Variants in SGCD observed in about 807,000 individuals in gnomAD.
The protein encoded by SGCD is sarcoglycan delta.
SGCD carries 18 observed loss-of-function variants against 36.6 expected under a neutral mutation model. The observed-to-expected ratio is 0.49, with a 90% CI of 0.34 to 0.73. The LOEUF (loss-of-function observed/expected upper bound fraction) is 0.73, where lower values mean the gene tolerates loss of function less well. SGCD is among the 30% of genes least tolerant of loss of function. The probability of loss-of-function intolerance (pLI) is 0.01; values close to 1 mark genes in which losing one functional copy is unlikely to be tolerated. For synonymous variants in SGCD, 133 were observed against 130.6 expected, an observed-to-expected ratio of 1.02 and a Z score of -0.12; for missense variants, 387 against 346.7, an observed-to-expected ratio of 1.12 and a Z score of -0.92.
intron 3 of SGCD, among the ~76,000 whole-genome samples, chr5:156,475,231 G>GTC (rs1393688935): frequency 6.6e-6 from 1 of 152,054 alleles, no homozygotes; most frequent in African/African-American, 2.4e-5. Context: ...CCATTACAGG[G>GTC]TCTCTCCCAT....
At chr5:156,631,665 T>G (rs187925860) in intron 6 of SGCD, among the ~76,000 whole-genome samples, 78 of 152,004 alleles carry the variant, frequency 5.1e-4, no homozygotes, top group Non-Finnish European at 9.0e-4. Context: ...TAAAAGTGTC[T>G]TATACCAATT....
intron 3 of SGCD, among the ~76,000 whole-genome samples, chr5:156,478,497 C>T (rs982149382): frequency 3.9e-5 from 6 of 152,214 alleles, no homozygotes; most frequent in African/African-American, 4.8e-5. Flanking sequence ...GCAATTCTGT[C>T]GCTTGGTGTC....
chr5:155,741,689 T>C, the SGCD span, among the ~76,000 whole-genome samples: 2 of 72,706 alleles, frequency 2.8e-5, no homozygotes, highest in African/African-American at 7.1e-5. Flanking sequence ...TTTCTTTTCT[T>C]TTTTTTTTTT....
intron 7 of SGCD, among the ~76,000 whole-genome samples, chr5:156,647,928 C>G (rs1282565298): frequency 6.6e-6 from 1 of 152,124 alleles, no homozygotes; most frequent in African/African-American, 2.4e-5. Flanking sequence ...GCAACAAGCT[C>G]TCTATTACTT....
intron 3 of SGCD, among the ~76,000 whole-genome samples, chr5:156,413,575 C>T (rs1243311300): frequency 6.6e-6 from 1 of 152,194 alleles, no homozygotes; most frequent in Non-Finnish European, 1.5e-5. Context: ...GTCCTGAGCA[C>T]AAGCAGTTCT....
intron 1 of SGCD, among the ~76,000 whole-genome samples, chr5:155,975,609 C>CCTTTTTTTTTTTT (rs1758096365): frequency 3.6e-5 from 1 of 28,008 alleles, no homozygotes; most frequent in African/African-American, 1.3e-4. Context: ...TCTTTCTTTC[C>CCTTTTTTTTTTTT]TTTTTTTTTT....
At chr5:156,711,842 A>C (rs754861445) in intron 7 of SGCD, among the ~76,000 whole-genome samples, 1 of 152,214 alleles carries the variant, frequency 6.6e-6, no homozygotes, top group Non-Finnish European at 1.5e-5. Context: ...GTTTATTAAG[A>C]AAGTAGAGAG....
chr5:156,564,652 C>T (rs1380506644), intron 4 of SGCD, among the ~76,000 whole-genome samples: 13 of 152,076 alleles, frequency 8.5e-5, no homozygotes, highest in Admixed American at 8.5e-4. Context: ...TCCCCATTCC[C>T]TATTTCCCCC....
At chr5:155,898,720 C>T (rs984809230) in intron 1 of SGCD, among the ~76,000 whole-genome samples, 4 of 152,172 alleles carry the variant, frequency 2.6e-5, no homozygotes, top group Admixed American at 6.6e-5. Context: ...GCCATCCCCT[C>T]AGGATACAGC....
intron 3 of SGCD, among the ~76,000 whole-genome samples, chr5:156,453,832 A>T (rs1178298763): frequency 6.6e-6 from 1 of 152,208 alleles, no homozygotes; most frequent in East Asian, 1.9e-4. Context: ...TAATCTCCAC[A>T]CCATTACACT....
chr5:156,073,257 C>T (rs1581080251), intron 1 of SGCD, among the ~76,000 whole-genome samples: 1 of 152,126 alleles, frequency 6.6e-6, no homozygotes. Context: ...CTGATTTCCC[C>T]TCTATTATAT....
At chr5:156,437,277 A>G (rs1753285239) in intron 3 of SGCD, among the ~76,000 whole-genome samples, 1 of 152,064 alleles carries the variant, frequency 6.6e-6, no homozygotes, top group African/African-American at 2.4e-5. Flanking sequence ...CTTCCTCATT[A>G]TTTTAGTTGG....
chr5:156,586,184 G>A (rs1167250997), intron 4 of SGCD, among the ~76,000 whole-genome samples: 1 of 151,690 alleles, frequency 6.6e-6, no homozygotes, highest in Non-Finnish European at 1.5e-5. Context: ...GATTTTCTTT[G>A]GTTTTGATGA....
At chr5:155,735,533 G>A in the SGCD span, among the ~76,000 whole-genome samples, 1 of 152,208 alleles carries the variant, frequency 6.6e-6, no homozygotes, top group Non-Finnish European at 1.5e-5. Flanking sequence ...CAGCAAGTTA[G>A]TGCCACAGCC....
chr5:156,678,351 T>G (rs1171164842), intron 7 of SGCD, among the ~76,000 whole-genome samples: 1 of 152,202 alleles, frequency 6.6e-6, no homozygotes, highest in African/African-American at 2.4e-5. Context: ...AACCAATGAT[T>G]GCAGCAGTTA....
intron 7 of SGCD, among the ~76,000 whole-genome samples, chr5:156,746,123 G>T (rs1756926863): frequency 5.9e-5 from 9 of 151,654 alleles, no homozygotes; most frequent in Admixed American, 5.9e-4. Flanking sequence ...AGATAAAAAA[G>T]GAGTAGGCGA....
At chr5:156,325,203 G>T (rs1402442466), upstream of SGCD, among the ~76,000 whole-genome samples, 2 of 151,720 alleles carry the variant, frequency 1.3e-5, no homozygotes, top group Admixed American at 1.3e-4. Context: ...TTCCAATAAG[G>T]CTTCAGGACA....
the SGCD span, among the ~76,000 whole-genome samples, chr5:155,824,680 C>CA: frequency 6.6e-6 from 1 of 152,144 alleles, no homozygotes; most frequent in Non-Finnish European, 1.5e-5. Context: ...TCCAGGGTGC[C>CA]TGATTGGCGA....
chr5:156,294,894 T>C (rs1468885594), intron 3 of SGCD, among the ~76,000 whole-genome samples: 1 of 152,198 alleles, frequency 6.6e-6, no homozygotes, highest in East Asian at 1.9e-4. Flanking sequence ...TAGTATTTTG[T>C]TGATAATTTT....
Sources: gnomAD v4.1 joint callset for allele counts (sites outside exome capture counted in the v4.1 genomes callset) on GRCh38, gnomAD v4.1.1 for gene constraint, MANE v1.5 for transcripts, NCBI Gene and HGNC (gene_info 2026-07-23, HGNC 2026-07-21) for gene names.